Variants in OSBPL2 observed in about 807,000 individuals in gnomAD.
OSBPL2 encodes oxysterol binding protein like 2.
Under a neutral mutation model 58.4 loss-of-function variants are expected in OSBPL2, and 18 were observed. The ratio of observed to expected loss-of-function variants is 0.31; its 90% CI spans 0.21 to 0.46. The LOEUF is 0.46. Among genes scored for constraint, OSBPL2 ranks in the 20% least tolerant of loss-of-function variants. OSBPL2 has a pLI of 1.00. For synonymous variants in OSBPL2, 221 were observed against 234.1 expected, an observed-to-expected ratio of 0.94 and a Z score of 0.51; for missense variants, 461 against 616.5, an observed-to-expected ratio of 0.75 and a Z score of 2.67.
intron 13 of OSBPL2, among the ~76,000 whole-genome samples, chr20:62,293,318 G>A (rs1450613968): frequency 3.9e-5 from 6 of 152,204 alleles, no homozygotes; most frequent in Admixed American, 3.9e-4. Context: ...GCCGGGGGCT[G>A]TGGACGGCGG....
Position 62,283,309 on chromosome 20 carries a change from G to A in OSBPL2, c.873-737G>A, listed in dbSNP as rs552584842. On this transcript the variant is annotated intron_variant, in intron 9 of 13. Coordinates refer to ENST00000313733, the MANE Select transcript of OSBPL2 (RefSeq NM_144498.4). ...TAGGTGAGGCCTGGCCCAGTTCCCC[G>A]CGTCTGTGTGCTGGCTCTGCAGGCA... 9.0e-4 allele frequency among the ~76,000 whole-genome samples: 137 copies of A among 152,280 alleles called. 1 individual carries two copies. The highest frequency in any genetic ancestry group is 1.3e-3 in the Non-Finnish European group (90 of 68,028).
intron 4 of OSBPL2, among the ~76,000 whole-genome samples, chr20:62,267,118 G>T (rs1361554064): frequency 6.6e-6 from 1 of 152,238 alleles, no homozygotes; most frequent in African/African-American, 2.4e-5. Context: ...GGTGGCGCAT[G>T]CCTGGGCTCC....
rs528696085 is a variant in OSBPL2 at position 62,289,203 on chromosome 20, A to G, written c.1126-4A>G. The G allele has an allele frequency of 7.4e-6, 12 of 1,613,598 alleles. No individual in the cohort carries two copies. The South Asian group carries it at 1.3e-4, about 18-fold the overall frequency. ...AGGTCGTGTCTCTGTGCCTTGCTCC[A>G]CAGATGTATAATTTCACCAGTTTCA... On this transcript the variant is annotated splice_region_variant and splice_polypyrimidine_tract_variant and intron_variant, in intron 11 of 13. Coordinates refer to ENST00000313733, the MANE Select transcript of OSBPL2 (RefSeq NM_144498.4).
At chr20:62,259,803 C>G (rs962578295) in intron 2 of OSBPL2, among the ~76,000 whole-genome samples, 178 bp from the exon 3 acceptor site, 4 of 152,184 alleles carry the variant, frequency 2.6e-5, no homozygotes, top group African/African-American at 9.6e-5. Context: ...CCGTGGCACC[C>G]TCCTGTTCTC....
rs111845029 is a variant in OSBPL2, at chr20:62,291,806, G to A, written c.1340+13G>A. 1 of 1,394,244 alleles carries A rather than the reference G, an allele frequency of 7.2e-7. No homozygotes were observed. Among genetic ancestry groups the A allele is most frequent in the Admixed American group, 2.1e-5 (1 of 47,074 alleles). The allele number at this position is 1,394,244 out of a possible 1,614,324, so 86.4% of individuals were successfully genotyped here. A position where few individuals can be genotyped will look rare whatever the true frequency, so the allele number is the denominator to read the frequency against. On this transcript the variant is annotated intron_variant, in intron 13 of 13. Transcript: ENST00000313733. ...AGTGGCAGACGAGGTGAGTACTGTGGTAGCCACGCAGGCTGGGGCAGCGGG... is the reference window on the plus strand; with the variant it reads ...AGTGGCAGACGAGGTGAGTACTGTGATAGCCACGCAGGCTGGGGCAGCGGG...
rs57951766 is a variant in OSBPL2, at chr20:62,273,016, C to T, written c.394-293C>T. Among the ~76,000 whole-genome samples the T allele has an allele frequency of 2.1e-3, 323 of 152,304 alleles. 1 individual carries two copies. Among genetic ancestry groups the T allele is most frequent in the African/African-American group, 6.7e-3 (279 of 41,562 alleles). On this transcript the variant is annotated intron_variant, in intron 5 of 13. Coordinates refer to ENST00000313733, the MANE Select transcript of OSBPL2 (RefSeq NM_144498.4). ...TGTTGAGTGTGTGGCCTTGTGTGTGCATATCAGACGGAGTGGCTGACATTG... is the reference window on the plus strand; with the variant it reads ...TGTTGAGTGTGTGGCCTTGTGTGTGTATATCAGACGGAGTGGCTGACATTG...
chr20:62,254,475 G>A (rs986488136), intron 1 of OSBPL2, among the ~76,000 whole-genome samples: 11 of 152,264 alleles, frequency 7.2e-5, no homozygotes, highest in African/African-American at 2.7e-4. Flanking sequence ...GGCTGTCTGC[G>A]CCGGCCTTCA....
At chr20:62,284,561 G>A in intron 10 of OSBPL2, 1 of 192,270 alleles carries the variant, frequency 5.2e-6, no homozygotes, top group Admixed American at 5.4e-5. Context: ...TTTTTTTAGA[G>A]ATGGGGTCTT....
rs941054661 is a variant in OSBPL2 at position 62,284,131 on chromosome 20, C to G, written c.958C>G (p.Gln320Glu). Reference protein sequence around the residue: ...DPVSYESFKKQERRGDHLRKA... With the variant: ...DPVSYESFKKEERRGDHLRKA... ...TGTTTCGTATGAATCCTTCAAGAAG[C>G]AGGAGAGGAGAGGTGACCACCTGAG... Residue 320 changes from glutamine to glutamate, a missense_variant, in exon 10 of 14, where the codon CAG becomes GAG. By Grantham distance (29) the Gln-to-Glu change is conservative. Around this residue, in one of 5 missense-constraint regions of OSBPL2, gnomAD observed 319 missense variants for 419.2 expected, o/e 0.76. Coordinates refer to ENST00000313733, the MANE Select transcript of OSBPL2 (RefSeq NM_144498.4). 7 of 1,613,990 alleles carry G rather than the reference C, an allele frequency of 4.3e-6. No homozygotes were observed. The highest frequency in any genetic ancestry group is 5.9e-6 in the Non-Finnish European group (7 of 1,179,996).
At chr20:62,245,698 A>G (rs533586705) in intron 1 of OSBPL2, among the ~76,000 whole-genome samples, 66 of 152,358 alleles carry the variant, frequency 4.3e-4, no homozygotes, top group African/African-American at 1.6e-3. Flanking sequence ...TTTAAGGGCA[A>G]AGGCCTGAGC....
rs748873018 is a variant in OSBPL2, at chr20:62,293,911, G to A, written c.*24G>A. On this transcript the variant is annotated 3_prime_UTR_variant, in exon 14 of 14. Coordinates refer to ENST00000313733, the MANE Select transcript of OSBPL2 (RefSeq NM_144498.4). The stretch of plus-strand genomic sequence containing the variant: ...GAGGGCCTGGAGGGGCCTGGGGCCC[G>A]GGACCGGAGGCTGACGAGGCTGGAC... 2.7e-5 allele frequency: 43 copies of A among 1,609,162 alleles called. No homozygotes were observed. The highest frequency in any genetic ancestry group is 3.1e-5 in the Non-Finnish European group (37 of 1,178,312).
At chr20:62,287,925 G>A (rs759734140) in intron 11 of OSBPL2, among the ~76,000 whole-genome samples, 2 of 152,176 alleles carry the variant, frequency 1.3e-5, no homozygotes, top group Non-Finnish European at 2.9e-5. Context: ...CCAGGCAGAC[G>A]AGGTCCCAGG....
rs1188932997 is a variant in OSBPL2, at chr20:62,249,937, G to C, written c.-128-6120G>C. On this transcript the variant is annotated intron_variant, in intron 1 of 13. Coordinates refer to ENST00000313733, the MANE Select transcript of OSBPL2 (RefSeq NM_144498.4). Reference sequence around the variant, plus strand: ...GGAGGGAGGAAGGACTGAGGACCTGGCTGGGGCAGGCGCTCCTCGACCCCA... The same window carrying C: ...GGAGGGAGGAAGGACTGAGGACCTGCCTGGGGCAGGCGCTCCTCGACCCCA... 2.6e-5 allele frequency among the ~76,000 whole-genome samples: 4 copies of C among 152,330 alleles called. No homozygotes were observed. The East Asian group carries it at 7.7e-4, about 29-fold the overall frequency.
chr20:62,242,825 C>T (rs1031867620), intron 1 of OSBPL2, among the ~76,000 whole-genome samples: 7 of 152,176 alleles, frequency 4.6e-5, no homozygotes, highest in Admixed American at 6.5e-5. Context: ...GCCCAGAGAG[C>T]GCCTGTTGTG....
At chr20:62,250,097 C>T (rs373818664) in intron 1 of OSBPL2, among the ~76,000 whole-genome samples, 5 of 152,368 alleles carry the variant, frequency 3.3e-5, no homozygotes, top group African/African-American at 9.6e-5. Context: ...GGAGCACCTT[C>T]GTGACCGGCT....
intron 11 of OSBPL2, among the ~76,000 whole-genome samples, chr20:62,287,082 T>C (rs910243762): frequency 5.3e-5 from 8 of 152,236 alleles, no homozygotes; most frequent in Admixed American, 3.3e-4. Flanking sequence ...GTGCGTCTTA[T>C]CAAAAGAGGC....
At position 62,294,564 on chromosome 20, in the gene OSBPL2, C is replaced by G. The variant is rs1203388186; in HGVS notation, c.*677C>G. On this transcript the variant is annotated 3_prime_UTR_variant, in exon 14 of 14. Transcript: ENST00000313733. ...CGGTTTTATACTGTCCAAAATGAAGCATCCCCGTGACAAACCAGAGTGGGC... is the reference window on the plus strand; with the variant it reads ...CGGTTTTATACTGTCCAAAATGAAGGATCCCCGTGACAAACCAGAGTGGGC... 1 of 152,306 alleles carries G rather than the reference C, an allele frequency of 6.6e-6. No individual in the cohort carries two copies. Among genetic ancestry groups the G allele is most frequent in the African/African-American group, 2.4e-5 (1 of 41,428 alleles). The allele number at this position is 152,306 out of a possible 1,614,324, so 9.4% of individuals were successfully genotyped here. A position where few individuals can be genotyped will look rare whatever the true frequency, so the allele number is the denominator to read the frequency against.
intron 6 of OSBPL2, among the ~76,000 whole-genome samples, chr20:62,275,297 CAT>C (rs1036421892): frequency 3.9e-5 from 6 of 152,108 alleles, no homozygotes; most frequent in African/African-American, 1.2e-4. Context: ...TTTAACATGT[CAT>C]AATTTTCCTG....
At chr20:62,286,294 C>G (rs913307783) in intron 10 of OSBPL2, 1 of 267,732 alleles carries the variant, frequency 3.7e-6, no homozygotes, top group African/African-American at 2.2e-5. Context: ...ACTAAAAGTA[C>G]AAACAATTAG....
Sources: allele counts gnomAD v4.1 joint callset (sites outside exome capture counted in the v4.1 genomes callset), GRCh38; gene constraint gnomAD v4.1.1; regional missense constraint gnomAD v4.1.1; transcripts MANE v1.5; gene names NCBI Gene and HGNC (gene_info 2026-07-23, HGNC 2026-07-21).